The following CHCHD6 variants were observed in gnomAD, a reference collection of about 807,000 sequenced individuals.
CHCHD6 encodes coiled-coil-helix-coiled-coil-helix domain containing 6.
In CHCHD6, 28 loss-of-function variants were observed where a neutral mutation model predicts 32.3. That is an observed-to-expected ratio of 0.87 (90% CI 0.64 to 1.19). The LOEUF (loss-of-function observed/expected upper bound fraction) is 1.19, where lower values mean the gene tolerates loss of function less well. CHCHD6 is among the 50% of genes most tolerant of loss of function. The pLI, the probability that CHCHD6 is intolerant of heterozygous loss-of-function variation, is 0.00. For synonymous variants in CHCHD6, 122 were observed against 117.5 expected (o/e 1.04, Z -0.25); for missense variants, 333 against 307.0 (o/e 1.08, Z -0.63).
intron 5 of CHCHD6, among the ~76,000 whole-genome samples, chr3:126,899,831 G>T (rs1004773639): frequency 6.6e-6 from 1 of 152,174 alleles, no homozygotes; most frequent in Non-Finnish European, 1.5e-5. Context: ...GCAGAGCCAG[G>T]AGATGGAAAT....
intron 4 of CHCHD6, among the ~76,000 whole-genome samples, chr3:126,752,642 C>T (rs1936773339): frequency 1.3e-5 from 2 of 152,182 alleles, no homozygotes; most frequent in East Asian, 3.9e-4. Flanking sequence ...GTTATCTGAC[C>T]TCCCTTTGTT....
intron 4 of CHCHD6, among the ~76,000 whole-genome samples, chr3:126,825,217 G>T (rs998178587): frequency 6.6e-6 from 1 of 151,842 alleles, no homozygotes; most frequent in Non-Finnish European, 1.5e-5. Context: ...GACTTTTATA[G>T]TTACATAGCT....
chr3:126,870,364 C>T lies in CHCHD6; in HGVS notation c.495+17634C>T, dbSNP rs573260879. Among the ~76,000 whole-genome samples, 188 of 152,352 alleles carry T rather than the reference C, an allele frequency of 1.2e-3. 1 individual carries two copies. Among genetic ancestry groups the T allele is most frequent in the African/African-American group, 4.4e-3 (181 of 41,590 alleles). On this transcript the variant is annotated intron_variant, in intron 5 of 7. Transcript: ENST00000290913. Reference sequence around the variant, plus strand: ...TCGCCGTGGCTGTTACAGAACCACACAGCATCCACCTGCAGCCCCCTGTAT... The same window carrying T: ...TCGCCGTGGCTGTTACAGAACCACATAGCATCCACCTGCAGCCCCCTGTAT...
At chr3:126,762,268 A>G (rs572654806) in intron 4 of CHCHD6, among the ~76,000 whole-genome samples, 1 of 152,262 alleles carries the variant, frequency 6.6e-6, no homozygotes, top group Non-Finnish European at 1.5e-5. Context: ...CTTGTAATGT[A>G]AAGATGTATG....
intron 4 of CHCHD6, among the ~76,000 whole-genome samples, chr3:126,755,482 C>T (rs1473575116): frequency 6.6e-6 from 1 of 152,156 alleles, no homozygotes; most frequent in African/African-American, 2.4e-5. Flanking sequence ...AAGTGTCTTC[C>T]ACACTGTTTC....
intron 1 of CHCHD6, among the ~76,000 whole-genome samples, chr3:126,704,840 G>A (rs1336610889): frequency 4.6e-5 from 7 of 152,162 alleles, no homozygotes; most frequent in Admixed American, 4.6e-4. Context: ...ACATCTGCGG[G>A]GCGCAGGAAG....
intron 4 of CHCHD6, among the ~76,000 whole-genome samples, chr3:126,778,072 A>C (rs1452570256): frequency 6.6e-6 from 1 of 152,220 alleles, no homozygotes; most frequent in Non-Finnish European, 1.5e-5. Context: ...AATGTGTTCA[A>C]GATTCACCTA....
chr3:126,858,903 G>A (rs1272665747), intron 5 of CHCHD6, among the ~76,000 whole-genome samples: 1 of 152,226 alleles, frequency 6.6e-6, no homozygotes, highest in African/African-American at 2.4e-5. Context: ...CCTCACTGGA[G>A]TGCCCCATAG....
rs147748908 is a variant in CHCHD6, at chr3:126,937,058, G to A, written c.567-20358G>A. Among the ~76,000 whole-genome samples, 395 of 152,376 alleles carry A rather than the reference G, an allele frequency of 2.6e-3. 1 individual carries two copies. The highest frequency in any genetic ancestry group is 9.0e-3 in the African/African-American group (374 of 41,590). ...GAATTTGCTCCAGGTCATGTGGGTA[G>A]AGAGCTGGGCAACCAGTGTTGTTCT... On this transcript the variant is annotated intron_variant, in intron 6 of 7. Transcript: ENST00000290913.
At chr3:126,738,040 G>T (rs555609333) in intron 4 of CHCHD6, among the ~76,000 whole-genome samples, 3 of 152,186 alleles carry the variant, frequency 2.0e-5, no homozygotes, top group African/African-American at 7.2e-5. Context: ...GAGTGCTTCC[G>T]TCCCTGGATG....
chr3:126,851,337 G>A (rs1941468237), intron 4 of CHCHD6, among the ~76,000 whole-genome samples: 1 of 152,232 alleles, frequency 6.6e-6, no homozygotes, highest in Non-Finnish European at 1.5e-5. Context: ...CCATGTTTTT[G>A]AGTGATTCAA....
At chr3:126,876,651 T>G (rs955530119) in intron 5 of CHCHD6, among the ~76,000 whole-genome samples, 3 of 152,232 alleles carry the variant, frequency 2.0e-5, no homozygotes, top group Non-Finnish European at 2.9e-5. Flanking sequence ...ATGACCACTT[T>G]TCCCCTGGTG....
At chr3:126,787,973 ATC>A (rs1161710862) in intron 4 of CHCHD6, among the ~76,000 whole-genome samples, 1 of 152,148 alleles carries the variant, frequency 6.6e-6, no homozygotes, top group East Asian at 1.9e-4. Flanking sequence ...TGTCATAAAT[ATC>A]TCTTATTATT....
intron 1 of CHCHD6, among the ~76,000 whole-genome samples, chr3:126,710,634 G>A (rs1934706510): frequency 6.6e-6 from 1 of 152,126 alleles, no homozygotes; most frequent in Non-Finnish European, 1.5e-5. Flanking sequence ...TACTTTCAGT[G>A]TACAAGTCTT....
intron 4 of CHCHD6, among the ~76,000 whole-genome samples, chr3:126,818,757 C>T (rs1940024048): frequency 6.6e-6 from 1 of 152,218 alleles, no homozygotes; most frequent in African/African-American, 2.4e-5. Flanking sequence ...TGGCCCTTTG[C>T]ATCTCCCCAT....
At chr3:126,766,376 G>A (rs1004026680) in intron 4 of CHCHD6, 2 of 500,946 alleles carry the variant, frequency 4.0e-6, no homozygotes, top group Non-Finnish European at 7.4e-6. Flanking sequence ...CCATCCCAGT[G>A]CACATGGAAG....
intron 5 of CHCHD6, among the ~76,000 whole-genome samples, chr3:126,913,207 C>CATTTTTT (rs2078119493): frequency 3.0e-5 from 1 of 33,746 alleles, no homozygotes; most frequent in African/African-American, 1.3e-4. Flanking sequence ...CCGTATGAGC[C>CATTTTTT]TTTTTTTTTT....
chr3:126,748,609 A>AAAG (rs1936601681), intron 4 of CHCHD6, among the ~76,000 whole-genome samples: 1 of 151,688 alleles, frequency 6.6e-6, no homozygotes, highest in Non-Finnish European at 1.5e-5. Context: ...AAAAAAAAAA[A>AAAG]AAAGAAAGAA....
At chr3:126,738,834 T>G (rs1205521478) in intron 4 of CHCHD6, among the ~76,000 whole-genome samples, 1 of 152,230 alleles carries the variant, frequency 6.6e-6, no homozygotes, top group Non-Finnish European at 1.5e-5. Flanking sequence ...TTCATTATAA[T>G]GATATTTGGG....
Sources: gnomAD v4.1 joint callset for allele counts (sites outside exome capture counted in the v4.1 genomes callset) on GRCh38, gnomAD v4.1.1 for gene constraint, MANE v1.5 for transcripts, NCBI Gene and HGNC (gene_info 2026-07-23, HGNC 2026-07-21) for gene names.